Variants in MALRD1 observed in about 807,000 individuals in gnomAD.
MALRD1 encodes the protein MAM and LDL-receptor class A domain-containing protein 1.
A neutral mutation model predicts 242.1 loss-of-function variants in MALRD1; 247 were observed. That is an observed-to-expected ratio of 1.02 (90% CI 0.92 to 1.13). The LOEUF (loss-of-function observed/expected upper bound fraction) is 1.13, where lower values mean the gene tolerates loss of function less well. Among genes scored for constraint, MALRD1 ranks in the 50% most tolerant of loss-of-function variants. The probability of loss-of-function intolerance (pLI) is 0.00; values close to 1 mark genes in which losing one functional copy is unlikely to be tolerated. For missense variants in MALRD1, 2,989 were observed against 2,533.1 expected, an observed-to-expected ratio of 1.18 and a Z score of -3.86; for synonymous variants, 995 against 866.6, an observed-to-expected ratio of 1.15 and a Z score of -2.60.
intron 22 of MALRD1, among the ~76,000 whole-genome samples, chr10:19,326,709 G>A (rs1235462329): frequency 6.6e-6 from 1 of 151,794 alleles, no homozygotes. Context: ...TTTTAAAAAT[G>A]TGAATTTAAT....
At chr10:19,568,766 T>G (rs939022552) in intron 33 of MALRD1, among the ~76,000 whole-genome samples, 7 of 152,122 alleles carry the variant, frequency 4.6e-5, no homozygotes, top group Non-Finnish European at 8.8e-5. Flanking sequence ...CCCCCAATAA[T>G]TATAGATTTA....
At position 19,257,665 on chromosome 10, in the gene MALRD1, T is replaced by A; in HGVS notation, c.2992-19T>A. 6.7e-7 allele frequency: 1 copy of A among 1,490,090 alleles called. No individual in the cohort carries two copies. Among genetic ancestry groups the A allele is most frequent in the South Asian group, 1.3e-5 (1 of 77,954 alleles). 92.3% of individuals were successfully genotyped at this position (1,490,090 alleles called of 1,614,324 possible). A position where few individuals can be genotyped will look rare whatever the true frequency, so the allele number is the denominator to read the frequency against. On this transcript the variant is annotated intron_variant, in intron 18 of 39. Transcript: ENST00000454679. ...CATAAACACATTTCTTATTTTTATTTTTTATTTTATTTTTTTAGATATTGG... is the reference window on the plus strand; with the variant it reads ...CATAAACACATTTCTTATTTTTATTATTTATTTTATTTTTTTAGATATTGG...
intron 2 of MALRD1, among the ~76,000 whole-genome samples, chr10:19,074,180 T>C (rs1835246550): frequency 6.6e-6 from 1 of 152,128 alleles, no homozygotes; most frequent in Non-Finnish European, 1.5e-5. Context: ...CTTCTTTTTC[T>C]TCCTATACCC....
intron 14 of MALRD1, among the ~76,000 whole-genome samples, chr10:19,197,502 A>G (rs191569301): frequency 2.3e-4 from 35 of 152,242 alleles, no homozygotes; most frequent in African/African-American, 8.2e-4. Flanking sequence ...ACCCTCACTC[A>G]TTGTCCTTGT....
intron 31 of MALRD1, among the ~76,000 whole-genome samples, chr10:19,504,250 G>T (rs1438318435): frequency 6.6e-6 from 1 of 152,140 alleles, no homozygotes; most frequent in Non-Finnish European, 1.5e-5. Flanking sequence ...AGCAAAGCCG[G>T]AGTGGAAACC....
intron 33 of MALRD1, 98 bp downstream of exon 33, chr10:19,567,801 G>T: frequency 9.3e-7 from 1 of 1,075,706 alleles, no homozygotes; most frequent in Non-Finnish European, 1.3e-6. Context: ...TTTATTTCTG[G>T]GTCCAGTTCT....
At chr10:19,201,437 A>G (rs1214032935) in intron 14 of MALRD1, among the ~76,000 whole-genome samples, 1 of 152,322 alleles carries the variant, frequency 6.6e-6, no homozygotes, top group Non-Finnish European at 1.5e-5. Context: ...TTCTATAGCA[A>G]TATCTCCCTG....
At chr10:19,310,759 A>G (rs997859004) in intron 21 of MALRD1, among the ~76,000 whole-genome samples, 5 of 151,324 alleles carry the variant, frequency 3.3e-5, no homozygotes, top group Non-Finnish European at 7.4e-5. Flanking sequence ...TCTTTAAACG[A>G]TCTCGTAATC....
chr10:19,562,836 T>C (rs768003205), intron 32 of MALRD1, among the ~76,000 whole-genome samples: 26 of 152,194 alleles, frequency 1.7e-4, no homozygotes, highest in Non-Finnish European at 3.4e-4. Context: ...GGGACCTAGA[T>C]TGTGTGCTCC....
At chr10:19,728,743 C>T (rs1171039443) in intron 38 of MALRD1, among the ~76,000 whole-genome samples, 1 of 152,090 alleles carries the variant, frequency 6.6e-6, no homozygotes, top group East Asian at 1.9e-4. Flanking sequence ...TCCAATTTTT[C>T]CTGCTTTGGT....
chr10:19,693,087 A>C (rs1464834808), intron 38 of MALRD1, among the ~76,000 whole-genome samples: 25 of 151,906 alleles, frequency 1.6e-4, no homozygotes, highest in Non-Finnish European at 7.4e-5. Context: ...AAATTATAAG[A>C]GCTATTTATG....
rs1309690968 is a variant in MALRD1 at position 19,567,689 on chromosome 10, A to AGT, written c.5672_5673dup (p.Thr1892Ter). On this transcript the variant is annotated frameshift_variant, in exon 33 of 40. Transcript: ENST00000454679. LOFTEE classifies it high-confidence loss of function. Reference sequence around the variant, plus strand: ...CTTGATGACATCTCTTTTACCCCAGAGTGTGTGACTGGAGGTAAGTGATTC... The same window carrying AGT: ...CTTGATGACATCTCTTTTACCCCAGAGTGTGTGTGACTGGAGGTAAGTGATTC... 6.5e-7 allele frequency: 1 copy of AGT among 1,550,362 alleles called. No homozygotes were observed. The highest frequency in any genetic ancestry group is 2.0e-5 in the Admixed American group (1 of 51,004).
At chr10:19,454,483 A>C (rs1419475595) in intron 29 of MALRD1, among the ~76,000 whole-genome samples, 1 of 142,420 alleles carries the variant, frequency 7.0e-6, no homozygotes, top group Non-Finnish European at 1.5e-5. Context: ...TATAATGGTA[A>C]TACAGATATT....
At chr10:19,433,752 T>C (rs1205562097) in intron 28 of MALRD1, among the ~76,000 whole-genome samples, 1 of 152,018 alleles carries the variant, frequency 6.6e-6, no homozygotes, top group Non-Finnish European at 1.5e-5. Context: ...GTGAAAGTCA[T>C]GCATGGGAAC....
chr10:19,461,734 C>G (rs925625756), intron 29 of MALRD1, among the ~76,000 whole-genome samples: 9 of 151,986 alleles, frequency 5.9e-5, no homozygotes, highest in Non-Finnish European at 1.0e-4. Context: ...GTCCCAGCTA[C>G]TTAGAAAGCC....
In MALRD1 at chr10:19,428,585, C is replaced by A. The variant is rs1833993433; in HGVS notation, c.4846-21722C>A. On this transcript the variant is annotated intron_variant, in intron 28 of 39. Transcript: ENST00000454679. ...GGTCCAGATGCTCTCCAAAATCCTT[C>A]ACATATATTATCTCTTTTAATGATC... Among the ~76,000 whole-genome samples the A allele has an allele frequency of 4.6e-5, 7 of 152,140 alleles. No homozygotes were observed. In the South Asian group the frequency reaches 1.5e-3, roughly 32 times the overall value.
At chr10:19,428,206 T>G (rs1388270152) in intron 28 of MALRD1, among the ~76,000 whole-genome samples, 1 of 151,718 alleles carries the variant, frequency 6.6e-6, no homozygotes, top group Non-Finnish European at 1.5e-5. Context: ...TCTCCAAGCG[T>G]TTCACCGAGA....
chr10:19,526,006 T>G lies in MALRD1; in HGVS notation c.5321-5188T>G, dbSNP rs759375937. Among the ~76,000 whole-genome samples, 15 of 152,192 alleles carry G rather than the reference T, an allele frequency of 9.9e-5. 1 individual carries two copies. The highest frequency in any genetic ancestry group is 1.6e-4 in the Non-Finnish European group (11 of 67,986). ...CATAGAGTCATATAAATAAAGCGAG[T>G]TGGTTTAATGATTTACCATTAAATT... is the stretch of plus-strand genomic sequence containing the variant. On this transcript the variant is annotated intron_variant, in intron 31 of 39. Coordinates refer to ENST00000454679, the MANE Select transcript of MALRD1 (RefSeq NM_001142308.3).
chr10:19,189,384 T>C (rs1194254243), intron 14 of MALRD1, among the ~76,000 whole-genome samples: 2 of 152,050 alleles, frequency 1.3e-5, no homozygotes, highest in African/African-American at 4.8e-5. Context: ...TTGCCAAGTA[T>C]GTAAAAAAGA....
Sources: allele counts gnomAD v4.1 joint callset (sites outside exome capture counted in the v4.1 genomes callset), GRCh38; gene constraint gnomAD v4.1.1; transcripts MANE v1.5; gene names NCBI Gene and HGNC (gene_info 2026-07-23, HGNC 2026-07-21).